The following RBM43 variants were observed in gnomAD, a reference collection of about 807,000 sequenced individuals.
RBM43 encodes the protein RNA-binding protein 43.
A neutral mutation model predicts 12.4 loss-of-function variants in RBM43; 12 were observed. The observed-to-expected ratio is 0.97, with a 90% CI of 0.62 to 1.57. RBM43 has a LOEUF of 1.57. Among genes scored for constraint, RBM43 ranks in the 40% most tolerant of loss-of-function variants. The pLI, the probability that RBM43 is intolerant of heterozygous loss-of-function variation, is 0.00. For missense variants in RBM43, 348 were observed against 400.1 expected, an observed-to-expected ratio of 0.87 and a Z score of 1.11; for synonymous variants, 138 against 145.7, an observed-to-expected ratio of 0.95 and a Z score of 0.38.
In RBM43 at chr2:151,251,126, T is replaced by C. The variant is rs199766507; in HGVS notation, c.854A>G (p.His285Arg). The change falls in exon 4 of 4, where the codon CAT (histidine) becomes CGT (arginine). Residue 285 changes from histidine (H) to arginine (R), a missense_variant. Physicochemically the swap from His to Arg is conservative, Grantham distance 29 (BLOSUM62 0). Coordinates refer to ENST00000331426, the MANE Select transcript of RBM43 (RefSeq NM_198557.3). ...TTTTCTAAGCTTTAAGTAAAGAGCA[T>C]GTGACCATTCCTCAATGAGCTCTTT... ...HVKELIEEWS[H>R]ALYLKLRKET... The C allele has an allele frequency of 1.1e-5, 17 of 1,613,498 alleles. No individual in the cohort carries two copies. Among genetic ancestry groups the C allele is most frequent in the African/African-American group, 2.7e-5 (2 of 74,904 alleles).
At chr2:151,253,593 C>T (rs977716005) in intron 2 of RBM43, among the ~76,000 whole-genome samples, 13 of 152,174 alleles carry the variant, frequency 8.5e-5, no homozygotes, top group African/African-American at 2.7e-4. Context: ...ACTGCCCTAT[C>T]AAAGCCAACG....
Position 151,251,625 on chromosome 2 carries a change from A to C in RBM43, c.355T>G (p.Phe119Val). The C allele has an allele frequency of 6.2e-7, 1 of 1,612,668 alleles. No homozygotes were observed. Among genetic ancestry groups the C allele is most frequent in the Non-Finnish European group, 8.5e-7 (1 of 1,179,686 alleles). The part of the protein sequence containing the change: ...SVNAILDLSV[F>V]GKEVTLETLV... Reference sequence around the variant, plus strand: ...GTTTCTAGAGTAACTTCTTTTCCAAAAACAGAAAGATCAAGGATGGCATTT... The same window carrying C: ...GTTTCTAGAGTAACTTCTTTTCCAACAACAGAAAGATCAAGGATGGCATTT... Residue 119 changes from phenylalanine to valine, a missense_variant, in exon 4 of 4, where the codon TTT becomes GTT. Transcript: ENST00000331426.
chr2:151,250,821 G>T lies in RBM43; in HGVS notation c.*85C>A. On this transcript the variant is annotated 3_prime_UTR_variant, in exon 4 of 4. Coordinates refer to ENST00000331426, the MANE Select transcript of RBM43 (RefSeq NM_198557.3). ...ATGACTATAAGGATTCATGAGATAC[G>T]GTGTGTAAAGCTAGCCTCATTCATG... 3.4e-6 allele frequency: 3 copies of T among 893,368 alleles called. No individual in the cohort carries two copies. Among genetic ancestry groups the T allele is most frequent in the Non-Finnish European group, 3.5e-6 (2 of 575,274 alleles). 55.3% of individuals were successfully genotyped at this position (893,368 alleles called of 1,614,324 possible). A position where few individuals can be genotyped will look rare whatever the true frequency, so the allele number is the denominator to read the frequency against.
rs1322970212 is a variant in RBM43, at chr2:151,255,611, C to T, written c.136G>A (p.Glu46Lys). 2 of 1,613,962 alleles carry T rather than the reference C, an allele frequency of 1.2e-6. No homozygotes were observed. Among genetic ancestry groups the T allele is most frequent in the East Asian group, 2.2e-5 (1 of 44,872 alleles). ...VKSHFQDIKN[E>K]GGDVEDVIYP... ...ATCACATCTTCAACATCTCCGCCCT[C>T]ATTCTTAATGTCTTGGAAGTGGCTC... Residue 46 changes from glutamate (E) to lysine (K), a missense_variant, in exon 2 of 4, where the codon GAG (glutamate) becomes AAG (lysine). By Grantham distance (56) the Glu-to-Lys change is moderately conservative. Transcript: ENST00000331426.
intron 1 of RBM43, among the ~76,000 whole-genome samples, chr2:151,256,966 G>C (rs1484765798): frequency 6.6e-6 from 1 of 152,202 alleles, no homozygotes; most frequent in African/African-American, 2.4e-5. Context: ...TGGGCACAGA[G>C]TATCAACTGC....
chr2:151,248,816 C>G lies in RBM43; in HGVS notation c.*2090G>C, dbSNP rs1465729505. On this transcript the variant is annotated 3_prime_UTR_variant, in exon 4 of 4. Coordinates refer to ENST00000331426, the MANE Select transcript of RBM43 (RefSeq NM_198557.3). ...CAAGTAAATGCAAGCACTGAATACACAAAGGCCAAATAAATACAAGACAGG... is the reference window on the plus strand; with the variant it reads ...CAAGTAAATGCAAGCACTGAATACAGAAAGGCCAAATAAATACAAGACAGG... 6.6e-6 allele frequency: 1 copy of G among 151,976 alleles called. No homozygotes were observed. The highest frequency in any genetic ancestry group is 1.5e-5 in the Non-Finnish European group (1 of 68,014). 9.4% of individuals were successfully genotyped at this position (151,976 alleles called of 1,614,324 possible).
At position 151,249,050 on chromosome 2, in the gene RBM43, G is replaced by A. The variant is rs1003914441; in HGVS notation, c.*1856C>T. On this transcript the variant is annotated 3_prime_UTR_variant, in exon 4 of 4. Transcript: ENST00000331426. ...ATAAAACAGAACTCGAACCATATCT[G>A]AGAGTTCTGTCCAAGAGATACTTAC... The A allele has an allele frequency of 6.6e-6, 1 of 152,072 alleles. No individual in the cohort carries two copies. The allele number at this position is 152,072 out of a possible 1,614,324, so 9.4% of individuals were successfully genotyped here. A position where few individuals can be genotyped will look rare whatever the true frequency, so the allele number is the denominator to read the frequency against.
Position 151,251,292 on chromosome 2 carries a change from G to T in RBM43, c.688C>A (p.Leu230Met), listed in dbSNP as rs767261872. The T allele has an allele frequency of 2.5e-6, 4 of 1,613,810 alleles. No individual in the cohort carries two copies. Among genetic ancestry groups the T allele is most frequent in the Admixed American group, 1.7e-5 (1 of 59,948 alleles). ...LVLDTDVFLY[L>M]KHKCGSYEST... ...TCATAAGATCCACACTTGTGTTTCA[G>T]GTAAAGAAAAACATCTGTGTCAAGC... Residue 230 changes from leucine to methionine, a missense_variant, in exon 4 of 4, where the codon CTG becomes ATG. Coordinates refer to ENST00000331426, the MANE Select transcript of RBM43 (RefSeq NM_198557.3).
intron 2 of RBM43, among the ~76,000 whole-genome samples, 150 bp downstream of exon 2, chr2:151,255,375 GCCACCGCA>G (rs893929162): frequency 3.0e-4 from 45 of 151,688 alleles, no homozygotes; most frequent in Admixed American, 2.3e-3. Context: ...CTGAGATCAT[GCCACCGCA>G]CTCTAACCTG....
Position 151,255,714 on chromosome 2 carries a change from T to C in RBM43, c.33A>G (p.Lys11=), listed in dbSNP as rs781694851. The change falls in exon 2 of 4, where the codon AAA becomes AAG. Residue 11 remains lysine (K), a synonymous_variant. Coordinates refer to ENST00000331426, the MANE Select transcript of RBM43 (RefSeq NM_198557.3). The part of the protein sequence containing the change: MASVLNVKES[K]APERTVVVAG... The stretch of plus-strand genomic sequence containing the variant: ...CAACTACAACCGTTCTTTCAGGAGC[T>C]TTGGATTCCTTGACATTCAAAACTG... The C allele has an allele frequency of 6.2e-7, 1 of 1,613,884 alleles. No individual in the cohort carries two copies. The highest frequency in any genetic ancestry group is 1.7e-4 in the Middle Eastern group (1 of 6,060).
chr2:151,252,692 GA>G (rs1304854708), intron 3 of RBM43, 62 bp downstream of exon 3: 9 of 905,792 alleles, frequency 9.9e-6, no homozygotes, highest in African/African-American at 1.6e-5. Flanking sequence ...CCTGCCATAA[GA>G]AAAACTTCAA....
chr2:151,251,958 A>G (rs1331505997), intron 3 of RBM43, among the ~76,000 whole-genome samples: 1 of 152,158 alleles, frequency 6.6e-6, no homozygotes, highest in Non-Finnish European at 1.5e-5. Context: ...ATACATACAA[A>G]CTGTTCTGGT....
Position 151,248,315 on chromosome 2 carries a change from C to T in RBM43, c.*2591G>A, listed in dbSNP as rs575539749. Reference sequence around the variant, plus strand: ...TTTTTGTATAGGGAGGAAGGTTTTACATGGGAATTTAATCTTTGCTTTAAA... The same window carrying T: ...TTTTTGTATAGGGAGGAAGGTTTTATATGGGAATTTAATCTTTGCTTTAAA... On this transcript the variant is annotated 3_prime_UTR_variant, in exon 4 of 4. Transcript: ENST00000331426. 6.6e-6 allele frequency: 1 copy of T among 151,730 alleles called. No homozygotes were observed. Among genetic ancestry groups the T allele is most frequent in the South Asian group, 2.1e-4 (1 of 4,804 alleles). The allele number at this position is 151,730 out of a possible 1,614,324, so 9.4% of individuals were successfully genotyped here. A position where few individuals can be genotyped will look rare whatever the true frequency, so the allele number is the denominator to read the frequency against.
chr2:151,259,322 C>T (rs1174945811), intron 1 of RBM43, among the ~76,000 whole-genome samples: 7 of 152,114 alleles, frequency 4.6e-5, no homozygotes. Flanking sequence ...ACATTATTAT[C>T]GGTTTTTCAC....
At position 151,258,384 on chromosome 2, in the gene RBM43, T is replaced by TA. The variant is rs113416005; in HGVS notation, c.4-2642dup. 4.4e-3 allele frequency among the ~76,000 whole-genome samples: 622 copies of TA among 141,524 alleles called. 4 individuals are homozygous for TA. Among genetic ancestry groups the TA allele is most frequent in the Non-Finnish European group, 5.3e-3 (344 of 65,042 alleles). 92.8% of individuals were successfully genotyped at this position (141,524 alleles called of 152,430 possible). The stretch of plus-strand genomic sequence containing the variant: ...AAAAAACTTGAGGATTATTTTACTT[T>TA]AAAAAAAAAAAAAAAGGCCTGAAAA... On this transcript the variant is annotated intron_variant, in intron 1 of 3. Coordinates refer to ENST00000331426, the MANE Select transcript of RBM43 (RefSeq NM_198557.3).
chr2:151,261,182 T>A lies in RBM43; in HGVS notation c.3+543A>T, dbSNP rs533184898. On this transcript the variant is annotated intron_variant, in intron 1 of 3. Transcript: ENST00000331426. ...AACACAGAAGGATAAATTTTGAATT[T>A]GCTAAGACAAGAATTCGCACCAAGG... is the stretch of plus-strand genomic sequence containing the variant. 362 of 1,459,712 alleles carry A rather than the reference T, an allele frequency of 2.5e-4. No individual in the cohort carries two copies. The African/African-American group carries it at 4.6e-3, about 19-fold the overall frequency. 90.4% of individuals were successfully genotyped at this position (1,459,712 alleles called of 1,614,324 possible). A position where few individuals can be genotyped will look rare whatever the true frequency, so the allele number is the denominator to read the frequency against.
intron 1 of RBM43, chr2:151,261,327 C>A (rs996081120): frequency 1.2e-5 from 19 of 1,550,498 alleles, no homozygotes; most frequent in Non-Finnish European, 1.6e-5. Context: ...ACTTTTGTTC[C>A]CCCCGAGGCG....
chr2:151,253,879 T>G (rs4665123), intron 2 of RBM43, among the ~76,000 whole-genome samples: 105,945 of 151,682 alleles, frequency 0.7, 41,549 homozygotes, highest in Non-Finnish European at 0.86. Context: ...CTCACAAAAT[T>G]ACCAGTCCCT....
At chr2:151,254,255 A>C (rs1259001216) in intron 2 of RBM43, among the ~76,000 whole-genome samples, 1 of 152,028 alleles carries the variant, frequency 6.6e-6, no homozygotes. Context: ...ACAGGTACTC[A>C]GAAAATATTT....
Sources: allele counts gnomAD v4.1 joint callset (sites outside exome capture counted in the v4.1 genomes callset), GRCh38; gene constraint gnomAD v4.1.1; transcripts MANE v1.5; gene names NCBI Gene and HGNC (gene_info 2026-07-23, HGNC 2026-07-21).